KAZN: variants seen among roughly 807,000 people sequenced by gnomAD.
The protein encoded by KAZN is kazrin, periplakin interacting protein, also known as kazrin.
In KAZN, 40 loss-of-function variants were observed where a neutral mutation model predicts 87.4. The observed-to-expected ratio is 0.46, with a 90% CI of 0.36 to 0.60. The LOEUF is 0.60. Ranked by LOEUF, KAZN falls within the 20% of genes least tolerant of loss-of-function variation. The probability of loss-of-function intolerance (pLI) is 0.00; values close to 1 mark genes in which losing one functional copy is unlikely to be tolerated. For synonymous variants in KAZN, 466 were observed against 458.3 expected (o/e 1.02, Z -0.22); for missense variants, 898 against 1,073.9 (o/e 0.84, Z 2.29).
At chr1:14,997,579 C>T (rs950155365) in intron 2 of KAZN, among the ~76,000 whole-genome samples, 4 of 152,228 alleles carry the variant, frequency 2.6e-5, no homozygotes, top group Non-Finnish European at 4.4e-5. Context: ...TATTGGCTGT[C>T]GGCTCCAGGA....
At chr1:14,506,593 A>G (rs1670595976) in intron 2 of KAZN, among the ~76,000 whole-genome samples, 1 of 152,172 alleles carries the variant, frequency 6.6e-6, no homozygotes, top group African/African-American at 2.4e-5. Context: ...AGTGGGGATC[A>G]TCATTATATT....
intron 1 of KAZN, among the ~76,000 whole-genome samples, chr1:14,873,993 G>A (rs181973339): frequency 2.6e-4 from 40 of 152,312 alleles, no homozygotes; most frequent in Non-Finnish European, 4.7e-4. Flanking sequence ...ACAGGGGCAG[G>A]AGCGAGTTTA....
intron 1 of KAZN, among the ~76,000 whole-genome samples, chr1:14,696,202 C>T (rs1049754624): frequency 7.2e-5 from 11 of 152,134 alleles, no homozygotes; most frequent in African/African-American, 1.7e-4. Context: ...TGTGCCAAGT[C>T]TTGTGCTAGT....
intron 1 of KAZN, chr1:14,930,164 G>A (rs1029790018): frequency 6.8e-5 from 54 of 797,158 alleles, no homozygotes; most frequent in Admixed American, 4.4e-4. Flanking sequence ...CTGGACACTG[G>A]GGACTGTTTT....
At chr1:14,186,553 C>T (rs957960897) in intron 2 of KAZN, among the ~76,000 whole-genome samples, 16 of 152,144 alleles carry the variant, frequency 1.1e-4, no homozygotes, top group African/African-American at 3.9e-4. Context: ...CATTTTCTTT[C>T]TCTGTGTCAC....
At position 14,949,814 on chromosome 1, in the gene KAZN, G is replaced by A. The variant is rs1183775585; in HGVS notation, c.227-10870G>A. On this transcript the variant is annotated intron_variant, in intron 1 of 14. Transcript: ENST00000376030. This position sits in a 1 kb window ranked among gnomAD's most constrained non-coding sequence, Gnocchi z 4.3. Reference sequence around the variant, plus strand: ...TGTGTTTGGTGAGGGGTGGGTGAAGGCATGCAGGAGAGTACAGGTTTTCTG... The same window carrying A: ...TGTGTTTGGTGAGGGGTGGGTGAAGACATGCAGGAGAGTACAGGTTTTCTG... Among the ~76,000 whole-genome samples the A allele has an allele frequency of 6.6e-6, 1 of 152,098 alleles. No homozygotes were observed. The highest frequency in any genetic ancestry group is 1.5e-5 in the Non-Finnish European group (1 of 68,028).
chr1:14,681,452 A>G (rs1411573959), intron 1 of KAZN, among the ~76,000 whole-genome samples: 1 of 151,520 alleles, frequency 6.6e-6, no homozygotes, highest in African/African-American at 2.4e-5. Context: ...CTGACATTTC[A>G]GAAACTCTGG....
intron 2 of KAZN, among the ~76,000 whole-genome samples, chr1:14,433,977 G>C (rs1309792341): frequency 3.3e-5 from 5 of 152,248 alleles, no homozygotes; most frequent in African/African-American, 1.2e-4. Context: ...AAACCAGGAA[G>C]GGGGATCTCA....
chr1:14,801,964 G>A (rs899015379), intron 1 of KAZN, among the ~76,000 whole-genome samples: 7 of 151,958 alleles, frequency 4.6e-5, no homozygotes, highest in African/African-American at 7.2e-5. Context: ...GATTACACGC[G>A]TCGGCCACCG....
intron 1 of KAZN, among the ~76,000 whole-genome samples, chr1:14,175,986 C>G (rs1646066409): frequency 6.6e-6 from 1 of 152,158 alleles, no homozygotes; most frequent in African/African-American, 2.4e-5. Context: ...TTGCAGATAA[C>G]ATACAGGGGA....
At chr1:15,043,633 C>CTTTTTT (rs71000361) in intron 3 of KAZN, among the ~76,000 whole-genome samples, 2 of 72,574 alleles carry the variant, frequency 2.8e-5, no homozygotes, top group Non-Finnish European at 2.5e-5. Context: ...CTCCCCACTT[C>CTTTTTT]TTTTTTTTTT....
At chr1:14,849,472 C>T (rs1649178247) in intron 1 of KAZN, among the ~76,000 whole-genome samples, 2 of 152,186 alleles carry the variant, frequency 1.3e-5, no homozygotes, top group African/African-American at 4.8e-5. Flanking sequence ...TGTGTGTTCA[C>T]AGAAACCCTA....
intron 1 of KAZN, among the ~76,000 whole-genome samples, chr1:14,060,993 C>T (rs1285866903): frequency 6.6e-6 from 1 of 152,182 alleles, no homozygotes; most frequent in East Asian, 1.9e-4. Flanking sequence ...ACACCAGCAG[C>T]GTGGCCTTTG....
intron 2 of KAZN, among the ~76,000 whole-genome samples, chr1:14,393,447 C>T (rs1556085): frequency 0.029 from 4,458 of 152,074 alleles, 114 homozygotes; most frequent in Middle Eastern, 0.071. Context: ...TTAGAGAAGC[C>T]GTTTGGTACT....
chr1:14,679,979 G>A (rs1640472310), intron 1 of KAZN, among the ~76,000 whole-genome samples: 1 of 152,176 alleles, frequency 6.6e-6, no homozygotes, highest in Admixed American at 6.5e-5. Flanking sequence ...AACAGGACAA[G>A]AGGGAGAAGG....
intron 1 of KAZN, among the ~76,000 whole-genome samples, chr1:14,917,874 CTTT>C (rs1216804266): frequency 4.8e-5 from 7 of 145,466 alleles, no homozygotes; most frequent in Middle Eastern, 3.4e-3. Flanking sequence ...TCCTTCCTTT[CTTT>C]CTTTCTTTCT....
At chr1:14,201,621 A>G (rs1418400416) in intron 2 of KAZN, among the ~76,000 whole-genome samples, 2 of 152,106 alleles carry the variant, frequency 1.3e-5, no homozygotes, top group East Asian at 1.9e-4. Flanking sequence ...TTGGACTCCA[A>G]CTCACTCAAT....
At chr1:14,413,483 G>C (rs1382010540) in intron 2 of KAZN, among the ~76,000 whole-genome samples, 1 of 151,302 alleles carries the variant, frequency 6.6e-6, no homozygotes, top group Admixed American at 6.6e-5. Context: ...CCAGTTACTC[G>C]GGAGGCTGAG....
intron 1 of KAZN, among the ~76,000 whole-genome samples, chr1:14,822,789 T>C (rs56218879): frequency 0.012 from 1,853 of 152,134 alleles, 36 homozygotes; most frequent in African/African-American, 0.042. Context: ...CTGTGGCGAG[T>C]GCTCCTTTCC....
Sources: allele counts gnomAD v4.1 joint callset (sites outside exome capture counted in the v4.1 genomes callset), GRCh38; gene constraint gnomAD v4.1.1; non-coding constraint Gnocchi (gnomAD v3.1); transcripts MANE v1.5; gene names NCBI Gene and HGNC (gene_info 2026-07-23, HGNC 2026-07-21).